Variants in PDIA5 observed in about 807,000 individuals in gnomAD.
PDIA5 encodes the protein protein disulfide isomerase family A member 5.
PDIA5 carries 58 observed loss-of-function variants against 77.6 expected under a neutral mutation model. The observed-to-expected ratio is 0.75, with a 90% confidence interval of 0.61 to 0.93. PDIA5 has a LOEUF of 0.93. Among genes scored for constraint, PDIA5 ranks in the 40% least tolerant of loss-of-function variants. The pLI is 0.00. For synonymous variants in PDIA5, 250 were observed against 252.1 expected (o/e 0.99, Z 0.08); for missense variants, 630 against 647.7 (o/e 0.97, Z 0.30).
chr3:123,076,056 T>C (rs1369661461), intron 1 of PDIA5, among the ~76,000 whole-genome samples: 2 of 152,106 alleles, frequency 1.3e-5, no homozygotes, highest in Non-Finnish European at 2.9e-5. Flanking sequence ...AGAGGGAAGA[T>C]GGATCAGGTT....
intron 6 of PDIA5, 61 bp from the exon 7 acceptor site, chr3:123,110,883 G>A (rs1934843815): frequency 7.5e-7 from 1 of 1,329,740 alleles, no homozygotes; most frequent in Non-Finnish European, 1.1e-6. Context: ...GGGCGGGGAG[G>A]GGGTCTCATC....
At position 123,123,882 on chromosome 3, in the gene PDIA5, C is replaced by T. The variant is rs1348627180; in HGVS notation, c.610-184C>T. ...CGGCCCAGCTGCCTGACTTCTCCAG[C>T]GCCAGGTCATGATTCCCGGCTGGCT... On this transcript the variant is annotated intron_variant, in intron 8 of 16. Coordinates refer to ENST00000316218, the MANE Select transcript of PDIA5 (RefSeq NM_006810.4). Among the ~76,000 whole-genome samples, 8 of 152,228 alleles carry T rather than the reference C, an allele frequency of 5.3e-5. No homozygotes were observed. In the East Asian group the frequency reaches 5.8e-4, roughly 11 times the overall value.
At chr3:123,132,553 C>T (rs922279214) in intron 11 of PDIA5, among the ~76,000 whole-genome samples, 1 of 152,216 alleles carries the variant, frequency 6.6e-6, no homozygotes, top group Non-Finnish European at 1.5e-5. Flanking sequence ...CAATGAAGGG[C>T]GTCTGCCTCA....
intron 7 of PDIA5, among the ~76,000 whole-genome samples, chr3:123,112,534 C>CTTTTTT (rs55977938): frequency 8.1e-5 from 5 of 61,454 alleles, no homozygotes; most frequent in Non-Finnish European, 8.3e-5. Flanking sequence ...CAGCCCTATT[C>CTTTTTT]TTTTTTTTTT....
At chr3:123,072,201 G>A (rs141623108) in intron 1 of PDIA5, among the ~76,000 whole-genome samples, 11 of 152,338 alleles carry the variant, frequency 7.2e-5, no homozygotes, top group Non-Finnish European at 1.0e-4. Flanking sequence ...ATAAATTCAA[G>A]TGTTATGTAG....
At chr3:123,106,112 G>A (rs1934724186) in intron 5 of PDIA5, among the ~76,000 whole-genome samples, 1 of 152,246 alleles carries the variant, frequency 6.6e-6, no homozygotes, top group African/African-American at 2.4e-5. Flanking sequence ...CCCAGCATGA[G>A]AAGTATAGCA....
intron 1 of PDIA5, among the ~76,000 whole-genome samples, chr3:123,071,955 A>G (rs1000245816): frequency 1.6e-4 from 25 of 152,092 alleles, no homozygotes; most frequent in African/African-American, 5.1e-4. Context: ...GGATGGAGGG[A>G]GGGTTTGAGT....
intron 11 of PDIA5, among the ~76,000 whole-genome samples, chr3:123,131,195 G>A (rs1320481743): frequency 4.6e-5 from 7 of 152,116 alleles, no homozygotes; most frequent in Admixed American, 3.9e-4. Flanking sequence ...GCTTGAGCCT[G>A]GGAGGTTGAG....
chr3:123,105,990 TCC>T (rs1311196318), intron 5 of PDIA5, among the ~76,000 whole-genome samples: 2 of 152,146 alleles, frequency 1.3e-5, no homozygotes, highest in Admixed American at 1.3e-4. Context: ...CTGTGCATCT[TCC>T]CCACAGGGAG....
intron 6 of PDIA5, among the ~76,000 whole-genome samples, chr3:123,108,604 T>C (rs1325172282): frequency 1.4e-4 from 2 of 14,758 alleles, no homozygotes; most frequent in Non-Finnish European, 2.6e-4. Flanking sequence ...TTAAAAAGCA[T>C]GTGGGCCCGG....
chr3:123,161,240 C>G (rs1936152802), intron 15 of PDIA5, 81 bp from the exon 16 acceptor site: 5 of 1,444,304 alleles, frequency 3.5e-6, no homozygotes, highest in Non-Finnish European at 3.8e-6. Context: ...GTGACGTGGA[C>G]TAGATGTGCA....
intron 11 of PDIA5, among the ~76,000 whole-genome samples, chr3:123,132,093 G>A (rs80207286): frequency 6.6e-6 from 1 of 152,300 alleles, no homozygotes; most frequent in East Asian, 1.9e-4. Flanking sequence ...GTCATCTTTT[G>A]TTTTACCCAG....
rs1226831302 is a variant in PDIA5 at position 123,161,823 on chromosome 3, A to G, written c.1480-57A>G. The G allele has an allele frequency of 9.6e-6, 11 of 1,142,380 alleles. No individual in the cohort carries two copies. In the South Asian group the frequency reaches 1.0e-4, roughly 10 times the overall value. 70.8% of individuals were successfully genotyped at this position (1,142,380 alleles called of 1,614,324 possible). A position where few individuals can be genotyped will look rare whatever the true frequency, so the allele number is the denominator to read the frequency against. ...CTGGGGGTGTGGGGAGAGAGAGTGC[A>G]CAGCCAGCTCAGGGATTAAAGCTCT... On this transcript the variant is annotated intron_variant, in intron 16 of 16. Transcript: ENST00000316218.
chr3:123,101,591 C>T (rs575677949), intron 3 of PDIA5, among the ~76,000 whole-genome samples: 38 of 152,190 alleles, frequency 2.5e-4, no homozygotes, highest in Non-Finnish European at 5.1e-4. Context: ...AGCATGTTTT[C>T]CTCTTACCTT....
chr3:123,158,307 G>C (rs766959764), intron 15 of PDIA5, among the ~76,000 whole-genome samples: 4 of 152,230 alleles, frequency 2.6e-5, no homozygotes, highest in Non-Finnish European at 4.4e-5. Flanking sequence ...GAATCTTAGA[G>C]AGATCATATG....
chr3:123,151,753 TGCCTG>T (rs1935899877), intron 14 of PDIA5, among the ~76,000 whole-genome samples: 2 of 145,944 alleles, frequency 1.4e-5, no homozygotes, highest in Non-Finnish European at 1.5e-5. Context: ...CCTGCCTGCC[TGCCTG>T]CCTGCCTGCC....
rs77379246 is a variant in PDIA5, at chr3:123,130,109, C to T, written c.774-371C>T. Reference sequence around the variant, plus strand: ...GAGCTTTTCCAAAGGTCACCATTCACTGTTGCTATTTATTCTTTCCAGTTT... The same window carrying T: ...GAGCTTTTCCAAAGGTCACCATTCATTGTTGCTATTTATTCTTTCCAGTTT... On this transcript the variant is annotated intron_variant, in intron 10 of 16. Coordinates refer to ENST00000316218, the MANE Select transcript of PDIA5 (RefSeq NM_006810.4). Among the ~76,000 whole-genome samples, 213 of 152,308 alleles carry T rather than the reference C, an allele frequency of 1.4e-3. 3 individuals are homozygous for T. The East Asian group carries it at 0.038, about 27-fold the overall frequency.
chr3:123,142,487 T>G (rs114061259), intron 11 of PDIA5, among the ~76,000 whole-genome samples: 2,171 of 152,338 alleles, frequency 0.014, 60 homozygotes, highest in African/African-American at 0.049. Context: ...AAAATAATGA[T>G]GACCTTGATA....
chr3:123,073,734 T>G (rs79211607), intron 1 of PDIA5, among the ~76,000 whole-genome samples: 10,512 of 152,266 alleles, frequency 0.069, 796 homozygotes, highest in African/African-American at 0.19. Flanking sequence ...GTGTCTGGCT[T>G]CAGAGTTTCC....
Sources: allele counts gnomAD v4.1 joint callset (sites outside exome capture counted in the v4.1 genomes callset), GRCh38; gene constraint gnomAD v4.1.1; transcripts MANE v1.5; gene names NCBI Gene and HGNC (gene_info 2026-07-23, HGNC 2026-07-21).